ZCCHC7: variants seen among roughly 807,000 people sequenced by gnomAD.
ZCCHC7 encodes zinc finger CCHC-type containing 7.
ZCCHC7 carries 35 observed loss-of-function variants against 52.0 expected under a neutral mutation model. The ratio of observed to expected loss-of-function variants is 0.67; its 90% CI spans 0.51 to 0.89. ZCCHC7 has a LOEUF of 0.89. Among genes scored for constraint, ZCCHC7 ranks in the 40% least tolerant of loss-of-function variants. The pLI is 0.00. For missense variants in ZCCHC7, 574 were observed against 649.1 expected (o/e 0.88, Z 1.26); for synonymous variants, 217 against 221.5 (o/e 0.98, Z 0.18).
intron 2 of ZCCHC7, among the ~76,000 whole-genome samples, chr9:37,167,510 C>G (rs1159113629): frequency 6.6e-6 from 1 of 152,148 alleles, no homozygotes; most frequent in Admixed American, 6.5e-5. Flanking sequence ...CTAATTTTAA[C>G]ATCTTTTTCA....
At chr9:37,307,066 G>T (rs1363175670) in intron 5 of ZCCHC7, among the ~76,000 whole-genome samples, 6 of 151,276 alleles carry the variant, frequency 4.0e-5, no homozygotes. Context: ...GATTACAGGT[G>T]TGAGCCACCA....
chr9:37,299,582 C>T (rs1348668878), intron 2 of ZCCHC7, among the ~76,000 whole-genome samples: 1 of 152,144 alleles, frequency 6.6e-6, no homozygotes, highest in Non-Finnish European at 1.5e-5. Flanking sequence ...CTAGACAAAG[C>T]TTTCCTTGGG....
At chr9:37,275,184 T>C (rs758393704) in intron 2 of ZCCHC7, among the ~76,000 whole-genome samples, 1 of 152,218 alleles carries the variant, frequency 6.6e-6, no homozygotes, top group African/African-American at 2.4e-5. Flanking sequence ...GCTCTCAGGA[T>C]GTTGCACCCT....
chr9:37,163,151 A>T (rs1821200466), intron 2 of ZCCHC7, among the ~76,000 whole-genome samples: 1 of 152,098 alleles, frequency 6.6e-6, no homozygotes, highest in South Asian at 2.1e-4. Flanking sequence ...CTGTGAGCCG[A>T]GATCGCACCA....
At chr9:37,141,974 T>C (rs1478228159) in intron 2 of ZCCHC7, among the ~76,000 whole-genome samples, 1 of 151,852 alleles carries the variant, frequency 6.6e-6, no homozygotes, top group Non-Finnish European at 1.5e-5. Flanking sequence ...GAGGTCTCTG[T>C]TCCCAACATC....
intron 2 of ZCCHC7, among the ~76,000 whole-genome samples, chr9:37,224,039 G>A (rs1339797913): frequency 6.6e-6 from 1 of 151,880 alleles, no homozygotes; most frequent in African/African-American, 2.4e-5. Context: ...TTAGGTTCTG[G>A]TTCTTTTTTA....
Position 37,126,620 on chromosome 9 carries a change from TGAA to T in ZCCHC7, c.291_293del (p.Glu97del). ...GGTCAGAGGTCATCACTTTGTCTGA[TGAA>T]GACAGTATTTATAGATGTAAAGGAA... On this transcript the variant is annotated inframe_deletion, in exon 2 of 9. Transcript: ENST00000336755. 1.9e-6 allele frequency: 3 copies of T among 1,614,206 alleles called. No individual in the cohort carries two copies. The highest frequency in any genetic ancestry group is 2.5e-6 in the Non-Finnish European group (3 of 1,180,034).
chr9:37,169,702 T>C (rs1821625019), intron 2 of ZCCHC7, among the ~76,000 whole-genome samples: 1 of 152,242 alleles, frequency 6.6e-6, no homozygotes, highest in Non-Finnish European at 1.5e-5. Flanking sequence ...CAAAGTAGAC[T>C]ATAAAGAAAA....
intron 2 of ZCCHC7, among the ~76,000 whole-genome samples, chr9:37,137,789 G>A (rs989822756): frequency 6.6e-6 from 1 of 152,022 alleles, no homozygotes; most frequent in African/African-American, 2.4e-5. Flanking sequence ...TTGTTAGTTT[G>A]GAAACAATAC....
chr9:37,265,379 G>A (rs1464570916), intron 2 of ZCCHC7, among the ~76,000 whole-genome samples: 2 of 152,140 alleles, frequency 1.3e-5, no homozygotes, highest in African/African-American at 2.4e-5. Flanking sequence ...TAGGATCAGC[G>A]AATTGGAGAC....
chr9:37,299,633 G>A (rs1005730590), intron 2 of ZCCHC7, among the ~76,000 whole-genome samples: 1 of 152,172 alleles, frequency 6.6e-6, no homozygotes, highest in African/African-American at 2.4e-5. Context: ...AAGATCAAGG[G>A]CAGGAAGCTG....
At chr9:37,271,454 T>G (rs1175203211) in intron 2 of ZCCHC7, among the ~76,000 whole-genome samples, 2 of 152,228 alleles carry the variant, frequency 1.3e-5, no homozygotes, top group Non-Finnish European at 2.9e-5. Context: ...AAAGCATATA[T>G]ATTTATCAGG....
At chr9:37,215,775 A>G (rs1334895833) in intron 2 of ZCCHC7, among the ~76,000 whole-genome samples, 2 of 152,234 alleles carry the variant, frequency 1.3e-5, no homozygotes, top group African/African-American at 4.8e-5. Flanking sequence ...TGGAAGGGCC[A>G]TACTTAGACT....
At chr9:37,142,931 A>G (rs760169040) in intron 2 of ZCCHC7, among the ~76,000 whole-genome samples, 17 of 151,864 alleles carry the variant, frequency 1.1e-4, no homozygotes, top group Non-Finnish European at 2.4e-4. Context: ...ATGTTTTACT[A>G]GCAAATGTTC....
At chr9:37,148,184 A>G (rs1843525226) in intron 2 of ZCCHC7, among the ~76,000 whole-genome samples, 1 of 152,166 alleles carries the variant, frequency 6.6e-6, no homozygotes, top group Non-Finnish European at 1.5e-5. Context: ...CCAAAAATAT[A>G]TATTTGATAT....
chr9:37,343,817 A>G, intron 6 of ZCCHC7, among the ~76,000 whole-genome samples: 1 of 152,232 alleles, frequency 6.6e-6, no homozygotes, highest in Non-Finnish European at 1.5e-5. Context: ...AGAGCCAGGT[A>G]GTAAATATTT....
Position 37,358,070 on chromosome 9 carries a change from G to C in ZCCHC7, c.*802G>C, listed in dbSNP as rs1564278870. ...TTTTCAACTACCGCAAAGCTATACA[G>C]ATTTTTTTGTACTTGTGGATCTTTT... On this transcript the variant is annotated 3_prime_UTR_variant, in exon 9 of 9. Coordinates refer to ENST00000336755, the MANE Select transcript of ZCCHC7 (RefSeq NM_032226.3). 1 of 152,106 alleles carries C rather than the reference G, an allele frequency of 6.6e-6. No homozygotes were observed. Among genetic ancestry groups the C allele is most frequent in the Non-Finnish European group, 1.5e-5 (1 of 68,014 alleles). The allele number at this position is 152,106 out of a possible 1,614,324, so 9.4% of individuals were successfully genotyped here.
At chr9:37,148,667 CAG>C (rs1843549921) in intron 2 of ZCCHC7, among the ~76,000 whole-genome samples, 1 of 152,228 alleles carries the variant, frequency 6.6e-6, no homozygotes, top group African/African-American at 2.4e-5. Flanking sequence ...TTTCTTAAGT[CAG>C]TGTTTCTCAT....
chr9:37,333,340 A>T (rs1429571469), intron 6 of ZCCHC7, among the ~76,000 whole-genome samples: 1 of 151,698 alleles, frequency 6.6e-6, no homozygotes, highest in Non-Finnish European at 1.5e-5. Flanking sequence ...TCATATTTTT[A>T]GATATTAGAT....
Sources: gnomAD v4.1 joint callset for allele counts (sites outside exome capture counted in the v4.1 genomes callset) on GRCh38, gnomAD v4.1.1 for gene constraint, MANE v1.5 for transcripts, NCBI Gene and HGNC (gene_info 2026-07-23, HGNC 2026-07-21) for gene names.